The following DNM2 variants were observed in gnomAD, a reference collection of about 807,000 sequenced individuals.
The protein encoded by DNM2 is dynamin 2.
In DNM2, 15 loss-of-function variants were observed where a neutral mutation model predicts 99.0. The ratio of observed to expected loss-of-function variants is 0.15; its 90% confidence interval spans 0.10 to 0.23. The LOEUF (loss-of-function observed/expected upper bound fraction) is 0.23, where lower values mean the gene tolerates loss of function less well. Among genes scored for constraint, DNM2 ranks in the 10% least tolerant of loss-of-function variants. The pLI, the probability that DNM2 is intolerant of heterozygous loss-of-function variation, is 1.00. For synonymous variants in DNM2, 525 were observed against 481.2 expected, an observed-to-expected ratio of 1.09 and a Z score of -1.19; for missense variants, 742 against 1,189.4, an observed-to-expected ratio of 0.62 and a Z score of 5.53.
intron 5 of DNM2, 93 bp downstream of exon 5, chr19:10,777,309 T>A (rs2071187516): frequency 8.8e-7 from 1 of 1,139,666 alleles, no homozygotes; most frequent in Non-Finnish European, 1.3e-6. Context: ...TGCCTGGAAG[T>A]CATTGCTTCT....
chr19:10,822,335 G>A (rs1213014001), intron 16 of DNM2, among the ~76,000 whole-genome samples: 8 of 142,236 alleles, frequency 5.6e-5, no homozygotes, highest in East Asian at 2.1e-4. Context: ...GACTACAGGC[G>A]CACACCACCA....
chr19:10,802,156 C>A, intron 11 of DNM2, 132 bp from the exon 12 acceptor site: 2 of 886,930 alleles, frequency 2.3e-6, no homozygotes, highest in Non-Finnish European at 3.7e-6. Context: ...CGACGCCAGC[C>A]CCTGTTCTCC....
At chr19:10,734,235 C>T (rs75592254) in intron 1 of DNM2, among the ~76,000 whole-genome samples, 7,965 of 148,426 alleles carry the variant, frequency 0.054, 269 homozygotes, top group Non-Finnish European at 0.078. Flanking sequence ...CCCAGCCACT[C>T]GGGAGGCTGA....
chr19:10,783,712 A>ATT (rs2071460392), intron 6 of DNM2, among the ~76,000 whole-genome samples: 1 of 114,114 alleles, frequency 8.8e-6, no homozygotes. Flanking sequence ...ATTATTTTTT[A>ATT]TTTTTGGAGA....
At chr19:10,786,983 C>A (rs983728417) in intron 7 of DNM2, among the ~76,000 whole-genome samples, 9 of 152,186 alleles carry the variant, frequency 5.9e-5, no homozygotes, top group Non-Finnish European at 1.0e-4. Flanking sequence ...TGTTAAATGT[C>A]AAAATATGAA....
In DNM2 at chr19:10,830,590, G is replaced by C. The variant is rs866406802; in HGVS notation, c.2543+212G>C. On this transcript the variant is annotated intron_variant, in intron 20 of 20. Coordinates refer to ENST00000389253, the MANE Select transcript of DNM2 (RefSeq NM_001005361.3). This position sits in a 1 kb window ranked among gnomAD's most constrained non-coding sequence, Gnocchi z 4.8. ...GTAGCGGAGCCCTGGTGACTCCGGGGCTCCCAGCTTGCCCTCTGCCTACTG... is the reference window on the plus strand; with the variant it reads ...GTAGCGGAGCCCTGGTGACTCCGGGCCTCCCAGCTTGCCCTCTGCCTACTG... 2.6e-5 allele frequency: 17 copies of C among 657,022 alleles called. No individual in the cohort carries two copies. The highest frequency in any genetic ancestry group is 4.2e-4 in the Middle Eastern group (1 of 2,398). The allele number at this position is 657,022 out of a possible 1,614,324, so 40.7% of individuals were successfully genotyped here. A position where few individuals can be genotyped will look rare whatever the true frequency, so the allele number is the denominator to read the frequency against.
rs758988419 is a variant in DNM2, at chr19:10,830,139, G to A, written c.2304G>A (p.Gln768=). The part of the protein sequence containing the change: ...QSASSHSPTP[Q]RRPVSSIHPP... ...TCCTTCCTCACAGCCCCACTCCACA[G>A]CGCCGACCGGTGTCCAGCATACACC... The change falls in exon 20 of 21, where the codon CAG becomes CAA. Residue 768 remains glutamine, a synonymous_variant. Coordinates refer to ENST00000389253, the MANE Select transcript of DNM2 (RefSeq NM_001005361.3). This position sits in a 1 kb window ranked among gnomAD's most constrained non-coding sequence, Gnocchi z 4.8. 1 of 1,613,816 alleles carries A rather than the reference G, an allele frequency of 6.2e-7. No individual in the cohort carries two copies. Among genetic ancestry groups the A allele is most frequent in the Admixed American group, 1.7e-5 (1 of 59,996 alleles).
At chr19:10,810,804 C>T (rs997346615) in intron 14 of DNM2, 1 of 152,352 alleles carries the variant, frequency 6.6e-6, no homozygotes. Context: ...GTTCTGTGCC[C>T]AGCTCTGGGC....
chr19:10,831,125 C>T lies in DNM2; in HGVS notation c.*78C>T, dbSNP rs535532078. 88 of 1,499,586 alleles carry T rather than the reference C, an allele frequency of 5.9e-5. No homozygotes were observed. Among genetic ancestry groups the T allele is most frequent in the South Asian group, 7.6e-5 (6 of 79,054 alleles). 92.9% of individuals were successfully genotyped at this position (1,499,586 alleles called of 1,614,324 possible). On this transcript the variant is annotated 3_prime_UTR_variant, in exon 21 of 21. Coordinates refer to ENST00000389253, the MANE Select transcript of DNM2 (RefSeq NM_001005361.3). The surrounding 1 kb of genome is among the most constrained non-coding windows in gnomAD (Gnocchi z 4.3). ...GCTTCAGTGGTCTGGGGCCCTCCGC[C>T]GCCCCTATGCTGGGACCAGGCTCCC... is the stretch of plus-strand genomic sequence containing the variant.
At chr19:10,738,606 GATCCC>G (rs1407440071) in intron 1 of DNM2, among the ~76,000 whole-genome samples, 1 of 149,582 alleles carries the variant, frequency 6.7e-6, no homozygotes, top group Non-Finnish European at 1.5e-5. Flanking sequence ...TCACGCCTGT[GATCCC>G]AGCACTTTGG....
At chr19:10,805,181 C>T (rs946038438) in intron 12 of DNM2, among the ~76,000 whole-genome samples, 2 of 152,214 alleles carry the variant, frequency 1.3e-5, no homozygotes, top group East Asian at 1.9e-4. Context: ...TATAGAAACA[C>T]ACCCTGTCGA....
Position 10,797,248 on chromosome 19 carries a change from G to T in DNM2, c.1197-132G>T, listed in dbSNP as rs546437556. ...AGCAGCTTCCGGGGCAAATGCGGGCGCAGGCTCCCCCATGCATGGACTAAT... is the reference window on the plus strand; with the variant it reads ...AGCAGCTTCCGGGGCAAATGCGGGCTCAGGCTCCCCCATGCATGGACTAAT... On this transcript the variant is annotated intron_variant, in intron 9 of 20. Transcript: ENST00000389253. 6 of 1,346,500 alleles carry T rather than the reference G, an allele frequency of 4.5e-6. No individual in the cohort carries two copies. In the African/African-American group the frequency reaches 8.7e-5, roughly 20 times the overall value. 83.4% of individuals were successfully genotyped at this position (1,346,500 alleles called of 1,614,324 possible).
intron 7 of DNM2, among the ~76,000 whole-genome samples, chr19:10,791,240 C>T (rs958795477): frequency 6.6e-6 from 1 of 152,008 alleles, no homozygotes; most frequent in African/African-American, 2.4e-5. Context: ...AGGCGTGCAC[C>T]ACAGCACCTG....
Position 10,772,357 on chromosome 19 carries a change from G to A in DNM2, c.236-122G>A. 7.5e-7 allele frequency: 1 copy of A among 1,325,880 alleles called. No individual in the cohort carries two copies. The highest frequency in any genetic ancestry group is 1.2e-5 in the South Asian group (1 of 84,424). The allele number at this position is 1,325,880 out of a possible 1,614,324, so 82.1% of individuals were successfully genotyped here. On this transcript the variant is annotated intron_variant, in intron 2 of 20. Transcript: ENST00000389253. This position sits in a 1 kb window ranked among gnomAD's most constrained non-coding sequence, Gnocchi z 4.9. ...GCCTCCCAAAGTGCTGGGATTACAG[G>A]CGTGAGCTACTGTGCCCAGCCTGGG...
chr19:10,795,208 A>G lies in DNM2; in HGVS notation c.1129-164A>G, dbSNP rs1392195787. Among the ~76,000 whole-genome samples, 1 of 152,206 alleles carries G rather than the reference A, an allele frequency of 6.6e-6. No homozygotes were observed. The highest frequency in any genetic ancestry group is 1.5e-5 in the Non-Finnish European group (1 of 68,044). ...AGTGCTGAGATTACAGGTGTGAGCCACTGTATCTGGCCAGTTTTCAATTTT... is the reference window on the plus strand; with the variant it reads ...AGTGCTGAGATTACAGGTGTGAGCCGCTGTATCTGGCCAGTTTTCAATTTT... On this transcript the variant is annotated intron_variant, in intron 8 of 20. Coordinates refer to ENST00000389253, the MANE Select transcript of DNM2 (RefSeq NM_001005361.3). The surrounding 1 kb of genome is among the most constrained non-coding windows in gnomAD (Gnocchi z 4.2).
intron 1 of DNM2, chr19:10,718,636 T>G: frequency 2.1e-6 from 1 of 474,610 alleles, no homozygotes; most frequent in Non-Finnish European, 3.2e-6. Flanking sequence ...CAGGGCGCCG[T>G]AGGACAGGAG....
At chr19:10,779,163 T>C (rs10420961) in intron 5 of DNM2, among the ~76,000 whole-genome samples, 143,563 of 150,730 alleles carry the variant, frequency 0.95, 68,450 homozygotes, top group East Asian at 1. Flanking sequence ...TGCAGCGAGC[T>C]GAGATGGCGC....
chr19:10,823,843 G>A lies in DNM2; in HGVS notation c.1837G>A (p.Val613Met), dbSNP rs748286191. 7.1e-5 allele frequency: 115 copies of A among 1,613,700 alleles called. No homozygotes were observed. The Admixed American group carries it at 1.1e-3, about 15-fold the overall frequency. The stretch of plus-strand genomic sequence containing the variant: ...GCTGGCCTGTGACTCCCAGGAAGAC[G>A]TGGACAGCTGGAAGGCCTCGTTCCT... Reference protein sequence around the residue: ...IELACDSQEDVDSWKASFLRA... With the variant: ...IELACDSQEDMDSWKASFLRA... Residue 613 changes from valine to methionine, a missense_variant, in exon 17 of 21, where the codon GTG becomes ATG. Val to Met is a conservative substitution (Grantham distance 21). This residue lies in a region of DNM2 where 240 missense variants were observed against 431.3 expected (regional missense o/e 0.56). Transcript: ENST00000389253.
chr19:10,799,696 C>G (rs2072068863), intron 11 of DNM2, among the ~76,000 whole-genome samples: 3 of 151,896 alleles, frequency 2.0e-5, no homozygotes, highest in Admixed American at 2.0e-4. Flanking sequence ...ACTTTACCCA[C>G]CTAATTTTTG....
Sources: gnomAD v4.1 joint callset for allele counts (sites outside exome capture counted in the v4.1 genomes callset) on GRCh38, gnomAD v4.1.1 for gene constraint, gnomAD v4.1.1 regional missense constraint, Gnocchi (gnomAD v3.1) non-coding constraint, MANE v1.5 for transcripts, NCBI Gene and HGNC (gene_info 2026-07-23, HGNC 2026-07-21) for gene names.